COL4A2: variants seen among roughly 807,000 people sequenced by gnomAD.
COL4A2 encodes collagen type IV alpha 2 chain, also known as collagen alpha-2(IV) chain.
COL4A2 carries 99 observed loss-of-function variants against 200.2 expected under a neutral mutation model. The observed-to-expected ratio is 0.49, with a 90% confidence interval of 0.42 to 0.58. The LOEUF is 0.58. COL4A2 is among the 20% of genes least tolerant of loss of function. The pLI, the probability that COL4A2 is intolerant of heterozygous loss-of-function variation, is 0.00. For synonymous variants in COL4A2, 897 were observed against 900.6 expected, an observed-to-expected ratio of 1.00 and a Z score of 0.07; for missense variants, 1,950 against 2,314.1, an observed-to-expected ratio of 0.84 and a Z score of 3.23.
At chr13:110,406,665 C>T (rs760173049) in intron 4 of COL4A2, among the ~76,000 whole-genome samples, 4 of 151,712 alleles carry the variant, frequency 2.6e-5, no homozygotes, top group Admixed American at 6.6e-5. Context: ...ATACATTAGC[C>T]GAGACGCTTT....
At chr13:110,416,133 G>C (rs1269079766) in intron 4 of COL4A2, among the ~76,000 whole-genome samples, 1 of 152,218 alleles carries the variant, frequency 6.6e-6, no homozygotes. Context: ...GAGGCCACCA[G>C]CACAGCATCC....
intron 3 of COL4A2, among the ~76,000 whole-genome samples, chr13:110,317,775 AG>A (rs1885179589): frequency 6.6e-6 from 1 of 152,236 alleles, no homozygotes; most frequent in South Asian, 2.1e-4. Flanking sequence ...GGGGAAAAGG[AG>A]GGGCAAACAC....
chr13:110,419,270 A>G (rs1333204893), intron 4 of COL4A2, among the ~76,000 whole-genome samples: 1 of 152,252 alleles, frequency 6.6e-6, no homozygotes. Context: ...GTAAGTCATG[A>G]AAAGCTCATT....
intron 4 of COL4A2, among the ~76,000 whole-genome samples, chr13:110,360,041 A>T (rs139283779): frequency 6.6e-6 from 1 of 152,352 alleles, no homozygotes; most frequent in East Asian, 1.9e-4. Context: ...ATTTCACAAG[A>T]TGTAAAATTC....
intron 4 of COL4A2, among the ~76,000 whole-genome samples, chr13:110,384,732 T>G (rs926100937): frequency 6.6e-6 from 1 of 152,200 alleles, no homozygotes; most frequent in African/African-American, 2.4e-5. Flanking sequence ...CCCTGTGTCC[T>G]TAGCACCCTC....
At chr13:110,453,790 T>C (rs1881625167) in intron 20 of COL4A2, among the ~76,000 whole-genome samples, 1 of 152,214 alleles carries the variant, frequency 6.6e-6, no homozygotes, top group East Asian at 1.9e-4. Flanking sequence ...TCTAATTATA[T>C]ATATTACCCC....
intron 18 of COL4A2, among the ~76,000 whole-genome samples, chr13:110,447,557 C>G (rs1397398183): frequency 6.6e-6 from 1 of 151,914 alleles, no homozygotes; most frequent in Non-Finnish European, 1.5e-5. Context: ...GCGCATCCTT[C>G]TAGGTTAAAA....
At chr13:110,503,821 C>T (rs1238431311) in intron 43 of COL4A2, 26 bp from the exon 44 acceptor site, 41 of 1,613,774 alleles carry the variant, frequency 2.5e-5, no homozygotes, top group Non-Finnish European at 3.5e-5. Context: ...TGTGTGTTTA[C>T]TGGGGCCTCT....
rs865834443 is a variant in COL4A2, at chr13:110,473,093, C to T, written c.2368C>T (p.Pro790Ser). The change falls in exon 29 of 48, where the codon CCT becomes TCT. Residue 790 changes from proline to serine, a missense_variant. Pro to Ser is a moderately conservative substitution (Grantham distance 74). Around this residue, in one of 2 missense-constraint regions of COL4A2, gnomAD observed 1,385 missense variants for 1,720.5 expected, o/e 0.80. Transcript: ENST00000360467. ...CGGGCCACGGGGAGATGCTGGTGTG[C>T]CTGGACAGCCTGGGCTTAAAGGCCT... is the stretch of plus-strand genomic sequence containing the variant. ...QPGPRGDAGVPGQPGLKGLPG... is the reference protein window; with the variant it reads ...QPGPRGDAGVSGQPGLKGLPG... The T allele has an allele frequency of 6.4e-7, 1 of 1,554,906 alleles. No individual in the cohort carries two copies. The highest frequency in any genetic ancestry group is 8.7e-7 in the Non-Finnish European group (1 of 1,149,822).
intron 4 of COL4A2, among the ~76,000 whole-genome samples, chr13:110,381,281 GCCCACCGGCTCTATGTCACA>G (rs1878481784): frequency 7.7e-6 from 1 of 130,310 alleles, no homozygotes; most frequent in Non-Finnish European, 1.6e-5. Flanking sequence ...TCTATCTCAC[GCCCACCGGCTCTATGTCACA>G]CCCACCGGCT....
At chr13:110,347,612 T>G (rs1876765795) in intron 3 of COL4A2, among the ~76,000 whole-genome samples, 1 of 152,252 alleles carries the variant, frequency 6.6e-6, no homozygotes, top group African/African-American at 2.4e-5. Flanking sequence ...CTAATGTCAC[T>G]GGGATGTGTT....
chr13:110,506,356 C>T (rs908881159), intron 45 of COL4A2, 59 bp from the exon 46 acceptor site: 13 of 1,538,426 alleles, frequency 8.5e-6, no homozygotes, highest in African/African-American at 8.2e-5. Context: ...TCCACTCTCT[C>T]TCTTTCTCGG....
At chr13:110,335,372 T>C (rs1253814949) in intron 3 of COL4A2, among the ~76,000 whole-genome samples, 2 of 152,102 alleles carry the variant, frequency 1.3e-5, no homozygotes, top group Non-Finnish European at 2.9e-5. Flanking sequence ...GAGGGCGGTT[T>C]CCCCCATACT....
chr13:110,362,685 T>TG (rs1335777723), intron 4 of COL4A2, among the ~76,000 whole-genome samples: 1 of 152,156 alleles, frequency 6.6e-6, no homozygotes, highest in Non-Finnish European at 1.5e-5. Context: ...GGCAGTTGAA[T>TG]GGGAAGCATC....
chr13:110,492,968 A>G (rs963226935), intron 38 of COL4A2, among the ~76,000 whole-genome samples: 2 of 152,204 alleles, frequency 1.3e-5, no homozygotes, highest in African/African-American at 2.4e-5. Context: ...AACAAAACAC[A>G]TCTGAGTTAT....
intron 32 of COL4A2, among the ~76,000 whole-genome samples, chr13:110,484,499 G>A (rs1015849141): frequency 8.5e-5 from 13 of 152,138 alleles, no homozygotes; most frequent in African/African-American, 3.1e-4. Context: ...GGTGCCTACA[G>A]GAGGGCACGG....
rs759544931 is a variant in COL4A2, at chr13:110,480,191, C to A, written c.2588-29C>A. On this transcript the variant is annotated intron_variant, in intron 30 of 47. Coordinates refer to ENST00000360467, the MANE Select transcript of COL4A2 (RefSeq NM_001846.4). ...ATTTCCCCTGTGTGTGTTTGTCCAC[C>A]CTGTTTGATTTGCTCCTCTTCCTGA... 4.5e-6 allele frequency: 7 copies of A among 1,564,030 alleles called. No homozygotes were observed. In the South Asian group the frequency reaches 6.0e-5, roughly 13 times the overall value.
intron 20 of COL4A2, 57 bp downstream of exon 20, chr13:110,450,511 C>T (rs1196786668): frequency 1.3e-6 from 2 of 1,586,360 alleles, no homozygotes; most frequent in Non-Finnish European, 1.7e-6. Context: ...GAAGCCCGGT[C>T]CCAGCCGGAT....
chr13:110,350,009 C>T lies in COL4A2; in HGVS notation c.100-7463C>T, dbSNP rs572695368. Among the ~76,000 whole-genome samples, 397 of 152,188 alleles carry T rather than the reference C, an allele frequency of 2.6e-3. 1 individual carries two copies. The highest frequency in any genetic ancestry group is 7.5e-3 in the South Asian group (36 of 4,808). ...GAACTCCTAACTTCAAGTGATCCACCGCCTAGGCCTCCCAAAGTGCTAGGC... is the reference window on the plus strand; with the variant it reads ...GAACTCCTAACTTCAAGTGATCCACTGCCTAGGCCTCCCAAAGTGCTAGGC... On this transcript the variant is annotated intron_variant, in intron 3 of 47. Transcript: ENST00000360467.
Sources: gnomAD v4.1 joint callset for allele counts (sites outside exome capture counted in the v4.1 genomes callset) on GRCh38, gnomAD v4.1.1 for gene constraint, gnomAD v4.1.1 regional missense constraint, MANE v1.5 for transcripts, NCBI Gene and HGNC (gene_info 2026-07-23, HGNC 2026-07-21) for gene names.